Variants in CDK14 observed in about 807,000 individuals in gnomAD.
The protein encoded by CDK14 is cyclin dependent kinase 14, also known as cyclin-dependent kinase 14.
In CDK14, 34 loss-of-function variants were observed where a neutral mutation model predicts 60.7. The ratio of observed to expected loss-of-function variants is 0.56; its 90% CI spans 0.43 to 0.75. The LOEUF is 0.75. Ranked by LOEUF, CDK14 falls within the 30% of genes least tolerant of loss-of-function variation. The pLI, the probability that CDK14 is intolerant of heterozygous loss-of-function variation, is 0.00. For missense variants in CDK14, 482 were observed against 564.1 expected (o/e 0.85, Z 1.47); for synonymous variants, 197 against 203.7 (o/e 0.97, Z 0.28).
intron 14 of CDK14, among the ~76,000 whole-genome samples, chr7:91,181,683 C>T (rs183287163): frequency 6.6e-6 from 1 of 152,210 alleles, no homozygotes; most frequent in Admixed American, 6.5e-5. Flanking sequence ...GAATAGTTTC[C>T]TAATATCCTC....
At chr7:90,680,147 A>G (rs891353797) in intron 2 of CDK14, among the ~76,000 whole-genome samples, 4 of 152,172 alleles carry the variant, frequency 2.6e-5, no homozygotes, top group African/African-American at 9.6e-5. Context: ...TGAGGACTAA[A>G]TAAGACATGT....
At chr7:90,614,156 G>A (rs1055983353) in intron 2 of CDK14, among the ~76,000 whole-genome samples, 3 of 151,902 alleles carry the variant, frequency 2.0e-5, no homozygotes, top group Non-Finnish European at 2.9e-5. Flanking sequence ...ACAGGCATGC[G>A]CCACCTGCCT....
intron 7 of CDK14, among the ~76,000 whole-genome samples, chr7:90,912,804 G>A (rs1362719205): frequency 6.6e-6 from 1 of 152,004 alleles, no homozygotes; most frequent in African/African-American, 2.4e-5. Flanking sequence ...TAGAGACATA[G>A]TTTTGCCATG....
chr7:90,660,908 C>T (rs942199445), intron 2 of CDK14, among the ~76,000 whole-genome samples: 1 of 152,158 alleles, frequency 6.6e-6, no homozygotes, highest in Admixed American at 6.6e-5. Context: ...ATGGACCCAT[C>T]AGGAGGGAAT....
intron 3 of CDK14, among the ~76,000 whole-genome samples, chr7:90,737,277 G>C (rs1003741195): frequency 6.6e-6 from 1 of 152,092 alleles, no homozygotes; most frequent in African/African-American, 2.4e-5. Flanking sequence ...CTTAAAGAGG[G>C]CATATTTTCA....
At chr7:90,761,475 G>C (rs564225580) in intron 4 of CDK14, among the ~76,000 whole-genome samples, 1 of 152,272 alleles carries the variant, frequency 6.6e-6, no homozygotes, top group South Asian at 2.1e-4. Context: ...TCAGGTTAAA[G>C]CATACCCATG....
chr7:91,015,530 T>G (rs1031454717), intron 10 of CDK14, among the ~76,000 whole-genome samples: 2 of 132,692 alleles, frequency 1.5e-5, no homozygotes, highest in Middle Eastern at 3.5e-3. Flanking sequence ...GGTTTTTTTT[T>G]TTTTTTTTTT....
At chr7:90,897,167 T>C (rs1792363576) in intron 6 of CDK14, among the ~76,000 whole-genome samples, 1 of 152,170 alleles carries the variant, frequency 6.6e-6, no homozygotes, top group Non-Finnish European at 1.5e-5. Flanking sequence ...TCTTGAATTA[T>C]GTTAAACGTG....
intron 2 of CDK14, among the ~76,000 whole-genome samples, chr7:90,636,286 C>G (rs1227445759): frequency 8.5e-5 from 13 of 152,214 alleles, no homozygotes. Flanking sequence ...ATAGATAGCT[C>G]TTATTATTTT....
At chr7:90,649,112 C>T (rs1349156159) in intron 2 of CDK14, among the ~76,000 whole-genome samples, 1 of 152,074 alleles carries the variant, frequency 6.6e-6, no homozygotes, top group Admixed American at 6.6e-5. Context: ...ACTGGATTTC[C>T]AGTTTGTTCC....
At chr7:90,787,892 G>GA (rs1805665146) in intron 4 of CDK14, among the ~76,000 whole-genome samples, 1 of 152,042 alleles carries the variant, frequency 6.6e-6, no homozygotes, top group Non-Finnish European at 1.5e-5. Context: ...TTTTCACTAT[G>GA]AAAATAATAC....
rs369579656 is a variant in CDK14, at chr7:91,066,631, A to G, written c.1106-12801A>G. Among the ~76,000 whole-genome samples the G allele has an allele frequency of 2.6e-5, 4 of 152,314 alleles. No homozygotes were observed. In the East Asian group the frequency reaches 7.7e-4, roughly 29 times the overall value. Reference sequence around the variant, plus strand: ...TTTGGGTTTTATCTTCCTGTGGGTTAAAGTTTGCTTTGTAGTGCCTCAAGA... The same window carrying G: ...TTTGGGTTTTATCTTCCTGTGGGTTGAAGTTTGCTTTGTAGTGCCTCAAGA... On this transcript the variant is annotated intron_variant, in intron 11 of 14. Transcript: ENST00000380050.
chr7:90,921,361 G>C (rs920249964), intron 8 of CDK14, among the ~76,000 whole-genome samples: 1 of 151,962 alleles, frequency 6.6e-6, no homozygotes, highest in Non-Finnish European at 1.5e-5. Flanking sequence ...CTTCAAAGGG[G>C]CCCCCTTTCT....
At chr7:91,098,542 AT>A (rs10708925) in intron 12 of CDK14, among the ~76,000 whole-genome samples, 15,089 of 151,788 alleles carry the variant, frequency 0.099, 978 homozygotes, top group Non-Finnish European at 0.14. Flanking sequence ...AAAAAAAGAA[AT>A]AAAGGCAAAA....
intron 11 of CDK14, among the ~76,000 whole-genome samples, chr7:91,068,491 C>G (rs1005933667): frequency 2.0e-5 from 3 of 152,148 alleles, no homozygotes; most frequent in Non-Finnish European, 4.4e-5. Context: ...AATTTCTTCT[C>G]CAAATAATAA....
In CDK14 at chr7:90,990,494, T is replaced by C. The variant is rs1261310758; in HGVS notation, c.1041+6253T>C. Among the ~76,000 whole-genome samples the C allele has an allele frequency of 2.0e-5, 3 of 152,206 alleles. No individual in the cohort carries two copies. The East Asian group carries it at 5.8e-4, about 29-fold the overall frequency. ...ACCTCTTAATTTGTACTTGTTTCCT[T>C]CAAGCTTCATCTATAGGCATAGTCA... On this transcript the variant is annotated intron_variant, in intron 10 of 14. Coordinates refer to ENST00000380050, the MANE Select transcript of CDK14 (RefSeq NM_001287135.2).
chr7:90,991,412 G>C (rs1276097107), intron 10 of CDK14, among the ~76,000 whole-genome samples: 8 of 152,106 alleles, frequency 5.3e-5, no homozygotes, highest in Admixed American at 2.6e-4. Context: ...ATGTTTTGGG[G>C]GATTGGAGGG....
At chr7:90,642,323 C>T (rs761108813) in intron 2 of CDK14, among the ~76,000 whole-genome samples, 1 of 152,142 alleles carries the variant, frequency 6.6e-6, no homozygotes, top group African/African-American at 2.4e-5. Context: ...AAAATGCAGT[C>T]TTAAATTACC....
chr7:90,742,444 A>G (rs1161675131), intron 3 of CDK14, among the ~76,000 whole-genome samples: 1 of 151,994 alleles, frequency 6.6e-6, no homozygotes, highest in Non-Finnish European at 1.5e-5. Flanking sequence ...TTGTATTTCC[A>G]GTGTTTATTT....
Sources: allele counts gnomAD v4.1 joint callset (sites outside exome capture counted in the v4.1 genomes callset), GRCh38; gene constraint gnomAD v4.1.1; transcripts MANE v1.5; gene names NCBI Gene and HGNC (gene_info 2026-07-23, HGNC 2026-07-21).